The following SRSF11 variants were observed in gnomAD, a reference collection of about 807,000 sequenced individuals.
SRSF11 encodes serine and arginine rich splicing factor 11, also known as serine/arginine-rich splicing factor 11.
A neutral mutation model predicts 56.0 loss-of-function variants in SRSF11; 9 were observed. The observed-to-expected ratio is 0.16, with a 90% CI of 0.10 to 0.28. The LOEUF (loss-of-function observed/expected upper bound fraction) is 0.28. SRSF11 is among the 10% of genes least tolerant of loss of function. The pLI, the probability that SRSF11 is intolerant of heterozygous loss-of-function variation, is 1.00. For missense variants in SRSF11, 421 were observed against 600.7 expected (o/e 0.70, Z 3.13); for synonymous variants, 222 against 215.3 (o/e 1.03, Z -0.27).
rs150956774 is a variant in SRSF11 at position 70,232,365 on chromosome 1, C to T, written c.435C>T (p.Asn145=). 5.0e-4 allele frequency: 806 copies of T among 1,612,744 alleles called. 4 individuals are homozygous for T. In the African/African-American group the frequency reaches 9.7e-3, roughly 19 times the overall value. The change falls in exon 3 of 12, where the codon AAC becomes AAT. Residue 145 remains asparagine, a synonymous_variant. Coordinates refer to ENST00000370949, the MANE Select transcript of SRSF11 (RefSeq NM_001350605.2). The part of the protein sequence containing the change: ...LPGGGLLPTP[N]PLTQIGAVPL... Reference sequence around the variant, plus strand: ...GTGGTGGACTCCTGCCTACTCCTAACCCACTTACCCAGGTACTAGTTCTAT... The same window carrying T: ...GTGGTGGACTCCTGCCTACTCCTAATCCACTTACCCAGGTACTAGTTCTAT...
At chr1:70,206,092 G>T (rs541391817) in intron 1 of SRSF11, among the ~76,000 whole-genome samples, 3 of 152,296 alleles carry the variant, frequency 2.0e-5, no homozygotes, top group African/African-American at 2.4e-5. Context: ...TGTATTGAGG[G>T]TATATAGCTT....
chr1:70,234,604 T>A (rs1024002975), intron 3 of SRSF11, 92 bp from the exon 4 acceptor site: 7 of 994,832 alleles, frequency 7.0e-6, no homozygotes, highest in Non-Finnish European at 8.8e-6. Context: ...AAACTCAAGT[T>A]GTTATCTGAC....
chr1:70,223,867 C>T (rs536420211), intron 1 of SRSF11, among the ~76,000 whole-genome samples: 1 of 152,262 alleles, frequency 6.6e-6, no homozygotes, highest in Non-Finnish European at 1.5e-5. Context: ...GCTCAGATTA[C>T]ATAAAATTCT....
chr1:70,232,155 TAAGTAC>T (rs1355916137), intron 2 of SRSF11, 107 bp from the exon 3 acceptor site: 1 of 1,574,382 alleles, frequency 6.4e-7, no homozygotes, highest in Non-Finnish European at 8.6e-7. Context: ...TTAGCGAACA[TAAGTAC>T]TTTCAACAAA....
intron 5 of SRSF11, among the ~76,000 whole-genome samples, chr1:70,236,859 A>C (rs1674207490): frequency 8.1e-6 from 1 of 122,988 alleles, no homozygotes; most frequent in Non-Finnish European, 1.6e-5. Context: ...GCTGGAGTGC[A>C]GTGGCGCGAT....
intron 2 of SRSF11, chr1:70,229,683 A>T (rs1194247888): frequency 1.0e-6 from 1 of 985,134 alleles, no homozygotes; most frequent in East Asian, 1.1e-4. Context: ...TTCATTTTAG[A>T]TGCTATCTGA....
At chr1:70,248,825 T>G (rs1677327639) in intron 9 of SRSF11, 1 of 152,178 alleles carries the variant, frequency 6.6e-6, no homozygotes, top group South Asian at 2.1e-4. Context: ...AAATGTAATA[T>G]AAAATACTTC....
intron 1 of SRSF11, among the ~76,000 whole-genome samples, chr1:70,225,563 C>T (rs146699788): frequency 2.8e-4 from 43 of 152,212 alleles, no homozygotes; most frequent in African/African-American, 8.4e-4. Context: ...AGTTCTCGTA[C>T]GTTAGTAGGC....
chr1:70,241,562 G>T (rs994393943), intron 7 of SRSF11, among the ~76,000 whole-genome samples: 1 of 152,044 alleles, frequency 6.6e-6, no homozygotes, highest in East Asian at 1.9e-4. Context: ...TGGCTTTCAG[G>T]GTTCTTTACT....
intron 2 of SRSF11, chr1:70,229,198 T>C (rs1428148850): frequency 1.6e-6 from 2 of 1,288,396 alleles, no homozygotes; most frequent in Non-Finnish European, 2.0e-6. Flanking sequence ...TTTGTGTGTG[T>C]GATTTTTATA....
chr1:70,240,075 A>G (rs1031120079), intron 7 of SRSF11, among the ~76,000 whole-genome samples: 1 of 152,238 alleles, frequency 6.6e-6, no homozygotes, highest in African/African-American at 2.4e-5. Flanking sequence ...AAAGGTGATA[A>G]TGAAAAAGCA....
intron 1 of SRSF11, among the ~76,000 whole-genome samples, chr1:70,223,035 C>T (rs756080686): frequency 6.6e-6 from 1 of 152,038 alleles, no homozygotes; most frequent in Non-Finnish European, 1.5e-5. Context: ...ATCTTTATTC[C>T]TGTTATTTTG....
rs1192171283 is a variant in SRSF11, at chr1:70,246,875, C to T, written c.990C>T (p.Tyr330=). 1.2e-6 allele frequency: 2 copies of T among 1,609,982 alleles called. No individual in the cohort carries two copies. Among genetic ancestry groups the T allele is most frequent in the East Asian group, 2.2e-5 (1 of 44,676 alleles). Residue 330 remains tyrosine (Y), a synonymous_variant, in exon 9 of 12, where the codon TAC becomes TAT. Transcript: ENST00000370949. The part of the protein sequence containing the change: ...KKRSKTPPKS[Y]STARRSRSAS... ...GTTCTAAAACACCACCAAAAAGTTA[C>T]AGCACAGCCAGACGTTCTAGAAGTG...
chr1:70,251,551 A>C lies in SRSF11; in HGVS notation c.*746A>C, dbSNP rs910301726. ...TTGGGAATTTTTTTCCTGAAGTAAT[A>C]ATTTATTCCACATCTACATCAGTGA... On this transcript the variant is annotated 3_prime_UTR_variant, in exon 12 of 12. Coordinates refer to ENST00000370949, the MANE Select transcript of SRSF11 (RefSeq NM_001350605.2). 4 of 152,398 alleles carry C rather than the reference A, an allele frequency of 2.6e-5. No homozygotes were observed. The highest frequency in any genetic ancestry group is 9.7e-5 in the African/African-American group (4 of 41,438). 9.4% of individuals were successfully genotyped at this position (152,398 alleles called of 1,614,324 possible).
rs1321811050 is a variant in SRSF11, at chr1:70,231,506, C to T, written c.338-762C>T. The T allele has an allele frequency of 1.0e-5, 11 of 1,061,986 alleles. No homozygotes were observed. The East Asian group carries it at 8.0e-4, about 77-fold the overall frequency. 65.8% of individuals were successfully genotyped at this position (1,061,986 alleles called of 1,614,324 possible). A position where few individuals can be genotyped will look rare whatever the true frequency, so the allele number is the denominator to read the frequency against. On this transcript the variant is annotated intron_variant, in intron 2 of 11. Transcript: ENST00000370949. ...TAGCTTTTCAACTGGCACTGTATGG[C>T]AGCATTTTTTGGTATGGTTAGCATG... is the stretch of plus-strand genomic sequence containing the variant.
chr1:70,216,038 G>C (rs527333889), intron 1 of SRSF11, among the ~76,000 whole-genome samples: 32 of 152,076 alleles, frequency 2.1e-4, no homozygotes, highest in Admixed American at 6.5e-4. Context: ...CACCCACCTC[G>C]GCCTCCCAAA....
rs531905315 is a variant in SRSF11, at chr1:70,252,539, T to C, written c.*1734T>C. 125 of 151,710 alleles carry C rather than the reference T, an allele frequency of 8.2e-4. No homozygotes were observed. Among genetic ancestry groups the C allele is most frequent in the African/African-American group, 3.0e-3 (125 of 41,374 alleles). The allele number at this position is 151,710 out of a possible 1,614,324, so 9.4% of individuals were successfully genotyped here. ...TGAAATGCCATATAGAAAAACAGCA[T>C]TGTTTTTACAGTTTGTAGTAAGTAA... On this transcript the variant is annotated 3_prime_UTR_variant, in exon 12 of 12. Transcript: ENST00000370949.
At chr1:70,227,247 T>C (rs140004369) in intron 1 of SRSF11, among the ~76,000 whole-genome samples, 1 of 152,368 alleles carries the variant, frequency 6.6e-6, no homozygotes, top group African/African-American at 2.4e-5. Context: ...CAATTTTATG[T>C]ACACATTGGT....
rs567733459 is a variant in SRSF11, at chr1:70,234,875, C to CT, written c.540+88dup. The CT allele has an allele frequency of 3.9e-3, 4,210 of 1,080,888 alleles. 13 individuals are homozygous for CT. The highest frequency in any genetic ancestry group is 5.2e-3 in the Non-Finnish European group (3,904 of 745,252). The allele number at this position is 1,080,888 out of a possible 1,614,324, so 67.0% of individuals were successfully genotyped here. On this transcript the variant is annotated intron_variant, in intron 4 of 11. Transcript: ENST00000370949. ...TTGGTTTGCATTTCAAGAGCAGAAG[C>CT]TAATGGCTATGTTGTAGTAATTTTT... is the stretch of plus-strand genomic sequence containing the variant.
Sources: allele counts gnomAD v4.1 joint callset (sites outside exome capture counted in the v4.1 genomes callset), GRCh38; gene constraint gnomAD v4.1.1; transcripts MANE v1.5; gene names NCBI Gene and HGNC (gene_info 2026-07-23, HGNC 2026-07-21).